Variants in PRKCA observed in about 807,000 individuals in gnomAD.
PRKCA encodes the protein protein kinase C alpha type.
In PRKCA, 27 loss-of-function variants were observed where a neutral mutation model predicts 87.0. That is an observed-to-expected ratio of 0.31 (90% confidence interval 0.23 to 0.43). The LOEUF (loss-of-function observed/expected upper bound fraction) is 0.43. Among genes scored for constraint, PRKCA ranks in the 20% least tolerant of loss-of-function variants. The pLI is 1.00. For missense variants in PRKCA, 518 were observed against 852.3 expected (o/e 0.61, Z 4.88); for synonymous variants, 329 against 311.1 (o/e 1.06, Z -0.61).
intron 2 of PRKCA, among the ~76,000 whole-genome samples, chr17:66,368,076 C>T (rs1334006780): frequency 6.6e-6 from 1 of 152,086 alleles, no homozygotes; most frequent in Non-Finnish European, 1.5e-5. Context: ...GAACTCCAAC[C>T]GTGGGATCCC....
intron 2 of PRKCA, among the ~76,000 whole-genome samples, chr17:66,350,890 G>C (rs1598609208): frequency 6.6e-6 from 1 of 152,210 alleles, no homozygotes. Flanking sequence ...CAGTCCAGAG[G>C]CATGTTTAGT....
rs540717052 is a variant in PRKCA at position 66,790,269 on chromosome 17, C to T, written c.1854+1290C>T. ...GGTGAGCCCACTGGATTTTATTTTT[C>T]GAAGATATTTTTAGCACACACTGAA... On this transcript the variant is annotated intron_variant, in intron 16 of 16. Transcript: ENST00000413366. 7.9e-5 allele frequency among the ~76,000 whole-genome samples: 12 copies of T among 152,280 alleles called. No individual in the cohort carries two copies. In the South Asian group the frequency reaches 1.5e-3, roughly 18 times the overall value.
At chr17:66,756,092 T>C (rs1223417472) in intron 13 of PRKCA, among the ~76,000 whole-genome samples, 1 of 151,622 alleles carries the variant, frequency 6.6e-6, no homozygotes, top group Admixed American at 6.6e-5. Flanking sequence ...CGTTTTGGAG[T>C]TTTCCCTCAG....
chr17:66,332,287 GCA>G (rs1221619431), intron 2 of PRKCA, among the ~76,000 whole-genome samples: 3 of 148,454 alleles, frequency 2.0e-5, no homozygotes, highest in African/African-American at 7.5e-5. Flanking sequence ...GAGTGCAGTG[GCA>G]CGATCTCAGC....
rs143639187 is a variant in PRKCA, at chr17:66,393,747, G to A, written c.205+87620G>A. Among the ~76,000 whole-genome samples, 335 of 152,144 alleles carry A rather than the reference G, an allele frequency of 2.2e-3. 1 individual carries two copies. The highest frequency in any genetic ancestry group is 7.6e-3 in the African/African-American group (316 of 41,520). ...TGTCTAGCCCAGGCCTGAGTGCAGC[G>A]CCCTCCCTGAGGGTGAGGGTTGGCT... On this transcript the variant is annotated intron_variant, in intron 2 of 16. Transcript: ENST00000413366.
At chr17:66,794,576 G>A (rs2144402687) in intron 16 of PRKCA, among the ~76,000 whole-genome samples, 1 of 150,424 alleles carries the variant, frequency 6.6e-6, no homozygotes, top group East Asian at 1.9e-4. Flanking sequence ...GAACATTTTA[G>A]CATGTTCGTG....
chr17:66,688,477 G>T, intron 7 of PRKCA, 41 bp downstream of exon 7: 1 of 1,609,152 alleles, frequency 6.2e-7, no homozygotes, highest in South Asian at 1.1e-5. Flanking sequence ...CAAAGCATCA[G>T]ACCATTTAGA....
At chr17:66,552,179 T>G (rs1030874374) in intron 3 of PRKCA, among the ~76,000 whole-genome samples, 3 of 151,966 alleles carry the variant, frequency 2.0e-5, no homozygotes, top group Admixed American at 6.6e-5. Context: ...ATGCCTATAC[T>G]CCCAATGAGT....
In PRKCA at chr17:66,488,320, A is replaced by T. The variant is rs113150960; in HGVS notation, c.206-7881A>T. Among the ~76,000 whole-genome samples, 911 of 152,302 alleles carry T rather than the reference A, an allele frequency of 6.0e-3. 9 individuals carry two copies. Among genetic ancestry groups the T allele is most frequent in the African/African-American group, 0.02 (839 of 41,556 alleles). On this transcript the variant is annotated intron_variant, in intron 2 of 16. Coordinates refer to ENST00000413366, the MANE Select transcript of PRKCA (RefSeq NM_002737.3). The stretch of plus-strand genomic sequence containing the variant: ...ATGGTATGTAAATGAAGAAAATGAC[A>T]TTTTTAAAGGGTATTTAATGGTTCG...
chr17:66,614,290 C>T (rs951775422), intron 3 of PRKCA, among the ~76,000 whole-genome samples: 18 of 152,098 alleles, frequency 1.2e-4, no homozygotes, highest in Non-Finnish European at 1.8e-4. Context: ...AACAAGATAA[C>T]GACATCTCAC....
intron 2 of PRKCA, among the ~76,000 whole-genome samples, chr17:66,334,380 A>T (rs1906533877): frequency 1.3e-5 from 2 of 151,766 alleles, no homozygotes; most frequent in South Asian, 4.2e-4. Flanking sequence ...GTGTGTGCTT[A>T]TTTTTTTTTC....
intron 5 of PRKCA, among the ~76,000 whole-genome samples, chr17:66,669,774 C>T (rs552330263): frequency 7.2e-5 from 11 of 152,172 alleles, no homozygotes; most frequent in South Asian, 2.1e-4. Flanking sequence ...TGGTGATGGG[C>T]GCCTGTAGTC....
rs555296800 is a variant in PRKCA at position 66,402,236 on chromosome 17, C to T, written c.206-93965C>T. Among the ~76,000 whole-genome samples, 96 of 152,170 alleles carry T rather than the reference C, an allele frequency of 6.3e-4. 4 individuals carry two copies. In the South Asian group the frequency reaches 0.02, roughly 31 times the overall value. ...TACAAAGACTGAATAAGTTTGGCAG[C>T]GTGGAGATACCAGGCCGTGTGAAGA... is the stretch of plus-strand genomic sequence containing the variant. On this transcript the variant is annotated intron_variant, in intron 2 of 16. Transcript: ENST00000413366.
At position 66,381,232 on chromosome 17, in the gene PRKCA, G is replaced by C. The variant is rs151182263; in HGVS notation, c.205+75105G>C. On this transcript the variant is annotated intron_variant, in intron 2 of 16. Coordinates refer to ENST00000413366, the MANE Select transcript of PRKCA (RefSeq NM_002737.3). Reference sequence around the variant, plus strand: ...GCTGGGATTACAAGTGTGAGCCACTGTGCCTGGCCAGGTGTCTACTTTCTC... The same window carrying C: ...GCTGGGATTACAAGTGTGAGCCACTCTGCCTGGCCAGGTGTCTACTTTCTC... 1.5e-3 allele frequency among the ~76,000 whole-genome samples: 221 copies of C among 152,286 alleles called. 4 individuals are homozygous for C. The East Asian group carries it at 0.036, about 25-fold the overall frequency.
At chr17:66,303,151 T>A in intron 1 of PRKCA, 127 bp downstream of exon 1, 1 of 1,294,416 alleles carries the variant, frequency 7.7e-7, no homozygotes, top group Non-Finnish European at 1.0e-6. Flanking sequence ...GAGTCCGAAC[T>A]CTTCGCCCGG....
chr17:66,485,920 T>C (rs41510050), intron 2 of PRKCA, among the ~76,000 whole-genome samples: 6,558 of 152,246 alleles, frequency 0.043, 439 homozygotes, highest in African/African-American at 0.15. Flanking sequence ...ATTAGAGTCA[T>C]GATAAACCCT....
chr17:66,630,302 T>C (rs1462109864), intron 3 of PRKCA, among the ~76,000 whole-genome samples: 1 of 152,220 alleles, frequency 6.6e-6, no homozygotes, highest in Non-Finnish European at 1.5e-5. Flanking sequence ...ACTTAAATAC[T>C]AAGTAGATAG....
intron 3 of PRKCA, among the ~76,000 whole-genome samples, chr17:66,612,076 T>TAA (rs35346924): frequency 1.4e-5 from 2 of 146,060 alleles, no homozygotes; most frequent in East Asian, 2.0e-4. Context: ...ACTTTGTGAG[T>TAA]AAAAAAAAAA....
chr17:66,553,268 A>T (rs1004894213), intron 3 of PRKCA, among the ~76,000 whole-genome samples: 1 of 152,136 alleles, frequency 6.6e-6, no homozygotes, highest in African/African-American at 2.4e-5. Context: ...AGCGTGAGCC[A>T]CCCTGCACCT....
Sources: gnomAD v4.1 joint callset for allele counts (sites outside exome capture counted in the v4.1 genomes callset) on GRCh38, gnomAD v4.1.1 for gene constraint, MANE v1.5 for transcripts, NCBI Gene and HGNC (gene_info 2026-07-23, HGNC 2026-07-21) for gene names.